CRISPLD1: variants seen among roughly 807,000 people sequenced by gnomAD.
CRISPLD1 encodes the protein cysteine-rich secretory protein LCCL domain-containing 1.
Under a neutral mutation model 77.5 loss-of-function variants are expected in CRISPLD1, and 60 were observed. The ratio of observed to expected loss-of-function variants is 0.77; its 90% CI spans 0.63 to 0.96. The LOEUF (loss-of-function observed/expected upper bound fraction) is 0.96, where lower values mean the gene tolerates loss of function less well. CRISPLD1 is among the 40% of genes least tolerant of loss of function. The pLI is 0.00. For missense variants in CRISPLD1, 623 were observed against 615.8 expected, an observed-to-expected ratio of 1.01 and a Z score of -0.12; for synonymous variants, 195 against 200.1, an observed-to-expected ratio of 0.97 and a Z score of 0.22.
Position 75,032,180 on chromosome 8 carries a change from T to C in CRISPLD1, c.1452-11T>C. On this transcript the variant is annotated splice_polypyrimidine_tract_variant and intron_variant, in intron 14 of 14. Transcript: ENST00000262207. ...ATCAATATACTTTTCATATATTTTT[T>C]TTTTTTGCAGTTTACAGAATCCTCC... The C allele has an allele frequency of 6.3e-7, 1 of 1,589,096 alleles. No individual in the cohort carries two copies. The highest frequency in any genetic ancestry group is 8.6e-7 in the Non-Finnish European group (1 of 1,162,662).
At chr8:75,011,841 A>G (rs977104683) in intron 2 of CRISPLD1, among the ~76,000 whole-genome samples, 36 of 152,166 alleles carry the variant, frequency 2.4e-4, no homozygotes, top group Non-Finnish European at 4.7e-4. Context: ...TTACAGTCTC[A>G]TGAAAAAGAT....
intron 14 of CRISPLD1, among the ~76,000 whole-genome samples, chr8:75,030,269 C>A (rs1813311681): frequency 6.6e-6 from 1 of 152,156 alleles, no homozygotes; most frequent in East Asian, 1.9e-4. Context: ...TACGGGGTAT[C>A]TAGATTACCT....
At chr8:74,993,097 A>G (rs1000802610) in intron 2 of CRISPLD1, among the ~76,000 whole-genome samples, 1 of 152,128 alleles carries the variant, frequency 6.6e-6, no homozygotes, top group African/African-American at 2.4e-5. Flanking sequence ...TATCAGCGGT[A>G]TATGTCCAGA....
intron 2 of CRISPLD1, among the ~76,000 whole-genome samples, chr8:75,003,107 C>T (rs1812773589): frequency 1.3e-5 from 2 of 152,290 alleles, no homozygotes; most frequent in South Asian, 2.1e-4. Context: ...TTTGCAGGCA[C>T]AGCAATTTAT....
At chr8:75,011,802 A>C (rs971093866) in intron 2 of CRISPLD1, among the ~76,000 whole-genome samples, 1 of 152,258 alleles carries the variant, frequency 6.6e-6, no homozygotes. Flanking sequence ...AAATAGACCA[A>C]AGATAGCAGC....
rs1813000732 is a variant in CRISPLD1 at position 75,014,861 on chromosome 8, G to A, written c.676G>A (p.Ala226Thr). The A allele has an allele frequency of 6.3e-7, 1 of 1,580,168 alleles. No individual in the cohort carries two copies. The highest frequency in any genetic ancestry group is 1.4e-5 in the African/African-American group (1 of 71,972). Residue 226 changes from alanine (A) to threonine (T), a missense_variant, in exon 6 of 15, where the codon GCT (alanine) becomes ACT (threonine). Transcript: ENST00000262207. ...APYKHGRPCSACPPSFGGGCR... is the reference protein window; with the variant it reads ...APYKHGRPCSTCPPSFGGGCR... The stretch of plus-strand genomic sequence containing the variant: ...TTACAAACATGGGCGGCCCTGTTCT[G>A]CTTGCCCACCTAGTTTTGGAGGGGG...
At position 75,016,863 on chromosome 8, in the gene CRISPLD1, G is replaced by T; in HGVS notation, c.869-18G>T. On this transcript the variant is annotated intron_variant, in intron 7 of 14. Transcript: ENST00000262207. ...CTTTTATATTATTTAAGTTATTTAG[G>T]TATTTTTTTCTTTGTAGCCCAAATT... 2 of 1,549,884 alleles carry T rather than the reference G, an allele frequency of 1.3e-6. No individual in the cohort carries two copies. Among genetic ancestry groups the T allele is most frequent in the South Asian group, 1.2e-5 (1 of 81,846 alleles).
At chr8:74,992,132 A>T (rs1812582241) in intron 2 of CRISPLD1, among the ~76,000 whole-genome samples, 1 of 152,212 alleles carries the variant, frequency 6.6e-6, no homozygotes, top group Non-Finnish European at 1.5e-5. Context: ...GAGGGGATGG[A>T]TGGATGAATA....
At chr8:74,996,071 T>TTA (rs1006951855) in intron 2 of CRISPLD1, among the ~76,000 whole-genome samples, 5 of 150,016 alleles carry the variant, frequency 3.3e-5, no homozygotes, top group South Asian at 4.2e-4. Context: ...CGCATGTGTT[T>TTA]TATATATATA....
intron 2 of CRISPLD1, among the ~76,000 whole-genome samples, chr8:74,992,079 A>C (rs950871988): frequency 2.0e-5 from 3 of 152,236 alleles, no homozygotes; most frequent in Non-Finnish European, 4.4e-5. Flanking sequence ...GTAAACATTC[A>C]TTGATTGAAT....
At position 75,025,527 on chromosome 8, in the gene CRISPLD1, A is replaced by AAT. The variant is rs1236511811; in HGVS notation, c.1245-14_1245-13dup. 1.7e-6 allele frequency: 2 copies of AAT among 1,175,768 alleles called. No individual in the cohort carries two copies. The highest frequency in any genetic ancestry group is 3.1e-5 in the African/African-American group (2 of 65,016). The allele number at this position is 1,175,768 out of a possible 1,614,324, so 72.8% of individuals were successfully genotyped here. A position where few individuals can be genotyped will look rare whatever the true frequency, so the allele number is the denominator to read the frequency against. On this transcript the variant is annotated intron_variant, in intron 12 of 14. Transcript: ENST00000262207. Reference sequence around the variant, plus strand: ...TAACCAGCTTACTTAATATATATATAATATATTATTTTTTTCAGAGTATAC... The same window carrying AAT: ...TAACCAGCTTACTTAATATATATATAATATATATTATTTTTTTCAGAGTATAC...
At chr8:75,032,097 C>G in intron 14 of CRISPLD1, 94 bp from the exon 15 acceptor site, 1 of 831,356 alleles carries the variant, frequency 1.2e-6, no homozygotes, top group Non-Finnish European at 1.9e-6. Context: ...CATAGAGCTG[C>G]TTTCTTGACT....
rs1812982439 is a variant in CRISPLD1 at position 75,014,009 on chromosome 8, G to A, written c.533G>A (p.Arg178Lys). 1 of 1,612,998 alleles carries A rather than the reference G, an allele frequency of 6.2e-7. No individual in the cohort carries two copies. Among genetic ancestry groups the A allele is most frequent in the Admixed American group, 1.7e-5 (1 of 59,918 alleles). Reference protein sequence around the residue: ...YTQVVWATSNRIGCAINLCHN... With the variant: ...YTQVVWATSNKIGCAINLCHN... ...TAGGTCGTGTGGGCAACTAGTAACA[G>A]AATCGGTTGTGCCATTAATTTGTGT... The change falls in exon 5 of 15, where the codon AGA becomes AAA. Residue 178 changes from arginine (R) to lysine (K), a missense_variant. By Grantham distance (26) the Arg-to-Lys change is conservative. Coordinates refer to ENST00000262207, the MANE Select transcript of CRISPLD1 (RefSeq NM_031461.6).
At chr8:74,986,701 C>T (rs1044189215) in intron 2 of CRISPLD1, among the ~76,000 whole-genome samples, 1 of 152,092 alleles carries the variant, frequency 6.6e-6, no homozygotes, top group African/African-American at 2.4e-5. Flanking sequence ...ATGTAAATGA[C>T]ATTGTAAAGG....
At position 75,016,873 on chromosome 8, in the gene CRISPLD1, C is replaced by CT; in HGVS notation, c.869-5dup. On this transcript the variant is annotated splice_region_variant and splice_polypyrimidine_tract_variant and intron_variant, in intron 7 of 14. Transcript: ENST00000262207. ...ATTTAAGTTATTTAGGTATTTTTTT[C>CT]TTTGTAGCCCAAATTGTTTCTTGTG... is the stretch of plus-strand genomic sequence containing the variant. The CT allele has an allele frequency of 6.4e-7, 1 of 1,560,754 alleles. No individual in the cohort carries two copies. The highest frequency in any genetic ancestry group is 8.7e-7 in the Non-Finnish European group (1 of 1,152,130).
In CRISPLD1 at chr8:75,013,027, G is replaced by A. The variant is rs765692351; in HGVS notation, c.510+5G>A. The A allele has an allele frequency of 1.7e-5, 27 of 1,566,986 alleles. No homozygotes were observed. Among genetic ancestry groups the A allele is most frequent in the Non-Finnish European group, 2.2e-5 (25 of 1,151,594 alleles). On this transcript the variant is annotated splice_donor_5th_base_variant and intron_variant, in intron 4 of 14. Transcript: ENST00000262207. ...GTATGTACACATTATACACAGGTATGTTTGGGGGGTATTATACTTAATTCC... is the reference window on the plus strand; with the variant it reads ...GTATGTACACATTATACACAGGTATATTTGGGGGGTATTATACTTAATTCC...
chr8:74,993,086 C>T (rs535022224), intron 2 of CRISPLD1, among the ~76,000 whole-genome samples: 4 of 151,976 alleles, frequency 2.6e-5, no homozygotes. Context: ...ACATTATTTG[C>T]TATCAGCGGT....
At chr8:75,014,754 A>G in intron 5 of CRISPLD1, 58 bp from the exon 6 acceptor site, 9 of 1,096,502 alleles carry the variant, frequency 8.2e-6, no homozygotes, top group Middle Eastern at 2.0e-4. Flanking sequence ...ATGTTTCACA[A>G]TGTTTTATAA....
chr8:74,992,034 TTATAAC>T (rs1205724263), intron 2 of CRISPLD1, among the ~76,000 whole-genome samples: 20 of 152,218 alleles, frequency 1.3e-4, no homozygotes, highest in Non-Finnish European at 2.1e-4. Context: ...TTATTTATCT[TTATAAC>T]TAAGCTTGGT....
Sources: allele counts gnomAD v4.1 joint callset (sites outside exome capture counted in the v4.1 genomes callset), GRCh38; gene constraint gnomAD v4.1.1; transcripts MANE v1.5; gene names NCBI Gene and HGNC (gene_info 2026-07-23, HGNC 2026-07-21).